Variants in LRP2 observed in about 807,000 individuals in gnomAD.
The protein encoded by LRP2 is low-density lipoprotein receptor-related protein 2.
In LRP2, 172 loss-of-function variants were observed where a neutral mutation model predicts 531.0. The observed-to-expected ratio is 0.32, with a 90% CI of 0.29 to 0.37. The LOEUF is 0.37. Ranked by LOEUF, LRP2 falls within the 10% of genes least tolerant of loss-of-function variation. The pLI is 1.00. For synonymous variants in LRP2, 1,992 were observed against 2,027.6 expected, an observed-to-expected ratio of 0.98 and a Z score of 0.47; for missense variants, 5,167 against 5,868.3, an observed-to-expected ratio of 0.88 and a Z score of 3.90.
chr2:169,192,021 C>G lies in LRP2; in HGVS notation c.8843G>C (p.Cys2948Ser). 6.2e-7 allele frequency: 1 copy of G among 1,612,284 alleles called. No homozygotes were observed. Among genetic ancestry groups the G allele is most frequent in the East Asian group, 2.2e-5 (1 of 44,858 alleles). ...DKRHQCQNQN[C>S]SDSEFLCVND... is the part of the protein sequence containing the mutation. ...TACACAGAGAAACTCGGAATCCGAG[C>G]AGTTTTGATTCTCTGAAACCAAAGC... The change falls in exon 48 of 79, where the codon TGC becomes TCC. Residue 2948 changes from cysteine to serine, a missense_variant. This residue lies in a region of LRP2 where 1,129 missense variants were observed against 1,362.7 expected (regional missense o/e 0.83). Transcript: ENST00000649046.
intron 1 of LRP2, among the ~76,000 whole-genome samples, chr2:169,352,105 G>A (rs1027786565): frequency 5.9e-5 from 9 of 152,328 alleles, no homozygotes; most frequent in Non-Finnish European, 1.2e-4. Context: ...CCAGTGGGCT[G>A]TGTCAGGGGT....
At chr2:169,138,876 C>T (rs996610474) in intron 74 of LRP2, among the ~76,000 whole-genome samples, 170 bp from the exon 75 acceptor site, 3 of 152,196 alleles carry the variant, frequency 2.0e-5, no homozygotes, top group African/African-American at 7.2e-5. Flanking sequence ...TAGTAAGTTC[C>T]CTTAGCTACC....
At chr2:169,166,624 T>C (rs1344479296) in intron 61 of LRP2, among the ~76,000 whole-genome samples, 2 of 152,206 alleles carry the variant, frequency 1.3e-5, no homozygotes, top group Admixed American at 1.3e-4. Context: ...CTTTAAATTG[T>C]GTTGGATTTT....
At chr2:169,135,807 C>T (rs564497668) in intron 76 of LRP2, among the ~76,000 whole-genome samples, 1 of 152,220 alleles carries the variant, frequency 6.6e-6, no homozygotes, top group Admixed American at 6.5e-5. Context: ...GACTGCACCC[C>T]AAAAAACTTG....
At chr2:169,321,997 C>G (rs1248546576) in intron 1 of LRP2, among the ~76,000 whole-genome samples, 1 of 152,206 alleles carries the variant, frequency 6.6e-6, no homozygotes, top group Non-Finnish European at 1.5e-5. Context: ...AAAGCAGCCA[C>G]TACCAGCCCC....
chr2:169,179,199 G>A (rs537524658), intron 52 of LRP2, among the ~76,000 whole-genome samples: 1 of 152,024 alleles, frequency 6.6e-6, no homozygotes, highest in African/African-American at 2.4e-5. Flanking sequence ...TAGAGACAGG[G>A]TTTCGTCATG....
At chr2:169,164,913 G>T (rs1275076383) in intron 62 of LRP2, among the ~76,000 whole-genome samples, 1 of 152,196 alleles carries the variant, frequency 6.6e-6, no homozygotes, top group Non-Finnish European at 1.5e-5. Context: ...TTTTGGGGAA[G>T]GGGGAAATCT....
chr2:169,257,828 A>AAC (rs1559042651), intron 17 of LRP2, among the ~76,000 whole-genome samples: 9 of 64,126 alleles, frequency 1.4e-4, no homozygotes, highest in South Asian at 1.0e-3. Flanking sequence ...ACAAAAACAA[A>AAC]AAAAAAAAAC....
chr2:169,325,840 T>G (rs1223901273), intron 1 of LRP2, among the ~76,000 whole-genome samples: 4 of 152,082 alleles, frequency 2.6e-5, no homozygotes, highest in Non-Finnish European at 5.9e-5. Context: ...CTGAATAGAC[T>G]GCTTTGTCCC....
chr2:169,331,570 T>A (rs1685268837), intron 1 of LRP2, among the ~76,000 whole-genome samples: 1 of 152,080 alleles, frequency 6.6e-6, no homozygotes, highest in Non-Finnish European at 1.5e-5. Flanking sequence ...CTGGCCCCAA[T>A]CCCCACTAGA....
chr2:169,341,344 A>T (rs1685557057), intron 1 of LRP2, among the ~76,000 whole-genome samples: 2 of 152,160 alleles, frequency 1.3e-5, no homozygotes, highest in African/African-American at 2.4e-5. Context: ...AAATTAAAAT[A>T]AATTTGCAAG....
At chr2:169,145,718 G>T in intron 70 of LRP2, 29 bp downstream of exon 70, 1 of 1,607,124 alleles carries the variant, frequency 6.2e-7, no homozygotes, top group Non-Finnish European at 8.5e-7. Flanking sequence ...AAGTAATGAG[G>T]AGCATCTTAT....
chr2:169,320,010 T>C (rs987508094), intron 2 of LRP2, among the ~76,000 whole-genome samples: 2 of 152,186 alleles, frequency 1.3e-5, no homozygotes, highest in Non-Finnish European at 1.5e-5. Context: ...TAACCCTCAT[T>C]AGTTCACCTG....
intron 3 of LRP2, among the ~76,000 whole-genome samples, chr2:169,314,336 A>G (rs966422345): frequency 1.3e-4 from 19 of 151,816 alleles, no homozygotes; most frequent in African/African-American, 4.6e-4. Flanking sequence ...ACTTGAGCCA[A>G]AAAAAACTTC....
chr2:169,347,386 A>G (rs1685722444), intron 1 of LRP2, among the ~76,000 whole-genome samples: 1 of 152,216 alleles, frequency 6.6e-6, no homozygotes. Flanking sequence ...TCCGGGAAGT[A>G]AAGAAACTCA....
At chr2:169,136,257 C>T (rs148991609) in intron 76 of LRP2, among the ~76,000 whole-genome samples, 61 of 152,286 alleles carry the variant, frequency 4.0e-4, no homozygotes, top group Admixed American at 1.3e-3. Context: ...CCACACCGCC[C>T]CTAATCCCAC....
Position 169,191,891 on chromosome 2 carries a change from T to C in LRP2, c.8973A>G (p.Arg2991=), listed in dbSNP as rs750491080. 1 of 1,614,098 alleles carries C rather than the reference T, an allele frequency of 6.2e-7. No homozygotes were observed. The highest frequency in any genetic ancestry group is 2.2e-5 in the East Asian group (1 of 44,874). Reference sequence around the variant, plus strand: ...AGGTGAATTCATTTTCAGAGCAAGTTCTCCTGGTGCAATTCTGATTCTCAT... The same window carrying C: ...AGGTGAATTCATTTTCAGAGCAAGTCCTCCTGGTGCAATTCTGATTCTCAT... ...GYDENQNCTR[R]TCSENEFTCG... The change falls in exon 48 of 79, where the codon AGA becomes AGG. Residue 2991 remains arginine (R), a synonymous_variant. Coordinates refer to ENST00000649046, the MANE Select transcript of LRP2 (RefSeq NM_004525.3).
chr2:169,212,251 C>T, intron 36 of LRP2, 44 bp from the exon 37 acceptor site: 1 of 1,613,540 alleles, frequency 6.2e-7, no homozygotes, highest in South Asian at 1.1e-5. Flanking sequence ...ATCCTAGCTA[C>T]TCGCCACCCC....
Position 169,244,683 on chromosome 2 carries a change from C to A in LRP2, c.3430+10G>T. On this transcript the variant is annotated intron_variant, in intron 22 of 78. Coordinates refer to ENST00000649046, the MANE Select transcript of LRP2 (RefSeq NM_004525.3). ...GCTGACCAACCAAGGGAAACCAGCTCAAAACTTACTGCAGTTCTTTTCATC... is the reference window on the plus strand; with the variant it reads ...GCTGACCAACCAAGGGAAACCAGCTAAAAACTTACTGCAGTTCTTTTCATC... 1 of 1,614,208 alleles carries A rather than the reference C, an allele frequency of 6.2e-7. No individual in the cohort carries two copies. Among genetic ancestry groups the A allele is most frequent in the South Asian group, 1.1e-5 (1 of 91,062 alleles).
Sources: allele counts gnomAD v4.1 joint callset (sites outside exome capture counted in the v4.1 genomes callset), GRCh38; gene constraint gnomAD v4.1.1; regional missense constraint gnomAD v4.1.1; transcripts MANE v1.5; gene names NCBI Gene and HGNC (gene_info 2026-07-23, HGNC 2026-07-21).